ZNF112: variants seen among roughly 807,000 people sequenced by gnomAD.
ZNF112 encodes the protein zinc finger protein 112, also known as zinc finger protein 112 (Y14).
In ZNF112, 37 loss-of-function variants were observed where a neutral mutation model predicts 77.7. That is an observed-to-expected ratio of 0.48 (90% CI 0.37 to 0.63). The LOEUF is 0.63. Ranked by LOEUF, ZNF112 falls within the 20% of genes least tolerant of loss-of-function variation. The pLI is 0.00. For synonymous variants in ZNF112, 333 were observed against 363.6 expected, an observed-to-expected ratio of 0.92 and a Z score of 0.96; for missense variants, 950 against 1,077.4, an observed-to-expected ratio of 0.88 and a Z score of 1.66.
At chr19:44,332,491 C>G (rs1277069000) in intron 3 of ZNF112, among the ~76,000 whole-genome samples, 1 of 152,160 alleles carries the variant, frequency 6.6e-6, no homozygotes, top group East Asian at 1.9e-4. Context: ...TTATAGGAGG[C>G]ATATCAGATA....
chr19:44,352,976 G>A (rs1970719768), intron 1 of ZNF112, among the ~76,000 whole-genome samples: 2 of 151,958 alleles, frequency 1.3e-5, no homozygotes, highest in South Asian at 2.1e-4. Context: ...ATATAAATAA[G>A]CTGATTCTAA....
intron 1 of ZNF112, among the ~76,000 whole-genome samples, chr19:44,364,164 C>T (rs1461293921): frequency 6.6e-6 from 1 of 152,126 alleles, no homozygotes; most frequent in Non-Finnish European, 1.5e-5. Flanking sequence ...CCCACCTCGG[C>T]CTCCCAAAGT....
At chr19:44,335,637 C>G (rs1354568626) in intron 3 of ZNF112, among the ~76,000 whole-genome samples, 1 of 152,100 alleles carries the variant, frequency 6.6e-6, no homozygotes, top group Admixed American at 6.6e-5. Flanking sequence ...GTAAGAAAAA[C>G]AAAGACTGTG....
intron 1 of ZNF112, among the ~76,000 whole-genome samples, chr19:44,364,906 C>T (rs1970888194): frequency 6.6e-6 from 1 of 152,148 alleles, no homozygotes; most frequent in Non-Finnish European, 1.5e-5. Flanking sequence ...TCACCTAGTG[C>T]ATGAAGGATA....
chr19:44,366,525 A>G (rs1970906114), intron 1 of ZNF112, among the ~76,000 whole-genome samples: 1 of 152,188 alleles, frequency 6.6e-6, no homozygotes, highest in African/African-American at 2.4e-5. Context: ...GCTAGGAGCC[A>G]AAGAGTCATT....
rs1462452824 is a variant in ZNF112, at chr19:44,328,898, C to T, written c.1259G>A (p.Cys420Tyr). Residue 420 changes from cysteine to tyrosine, a missense_variant, in exon 4 of 4, where the codon TGT becomes TAT. Cys to Tyr is a radical substitution (Grantham distance 194). Transcript: ENST00000354340. ...ATGCTGAATGTCAAGATTTGAACTA[C>T]AAATGAAACTCTTTCCATACTCTAT... ...TDIEYGKSFI[C>Y]SSNLDIQHRV... The T allele has an allele frequency of 6.2e-7, 1 of 1,613,870 alleles. No homozygotes were observed. Among genetic ancestry groups the T allele is most frequent in the Non-Finnish European group, 8.5e-7 (1 of 1,179,982 alleles).
At chr19:44,343,648 G>A (rs984117) in intron 1 of ZNF112, among the ~76,000 whole-genome samples, 60,180 of 152,044 alleles carry the variant, frequency 0.4, 13,867 homozygotes, top group South Asian at 0.58. Flanking sequence ...AAAACCTGGT[G>A]CTACCATATA....
At position 44,328,774 on chromosome 19, in the gene ZNF112, C is replaced by T. The variant is rs1162714547; in HGVS notation, c.1383G>A (p.Lys461=). The T allele has an allele frequency of 1.2e-6, 2 of 1,613,922 alleles. No individual in the cohort carries two copies. The highest frequency in any genetic ancestry group is 1.3e-5 in the African/African-American group (1 of 74,882). ...ACACATAGCGTTTATATGGTTGTTC[C>T]TTAGTGTGGACTATCTGAAGGTCCT... ...HFQDLQIVHT[K]EQPYKRYVCS... The change falls in exon 4 of 4, where the codon AAG becomes AAA. Residue 461 remains lysine (K), a synonymous_variant. Coordinates refer to ENST00000354340, the MANE Select transcript of ZNF112 (RefSeq NM_013380.4).
intron 3 of ZNF112, among the ~76,000 whole-genome samples, chr19:44,332,262 C>T (rs1471035225): frequency 1.3e-5 from 2 of 152,176 alleles, no homozygotes; most frequent in South Asian, 4.2e-4. Flanking sequence ...CCTATCCCAA[C>T]TTTTAAAAAA....
chr19:44,330,716 A>G (rs1970254745), intron 3 of ZNF112, among the ~76,000 whole-genome samples: 1 of 152,220 alleles, frequency 6.6e-6, no homozygotes, highest in African/African-American at 2.4e-5. Flanking sequence ...AGCCTAGGCA[A>G]CAGAATGAGA....
chr19:44,343,190 A>G, intron 1 of ZNF112: 1 of 1,572,450 alleles, frequency 6.4e-7, no homozygotes. Context: ...AGGGGGAAAA[A>G]GATATGTCCA....
intron 1 of ZNF112, among the ~76,000 whole-genome samples, chr19:44,347,962 C>T (rs1263804921): frequency 1.3e-5 from 2 of 152,036 alleles, no homozygotes; most frequent in Non-Finnish European, 2.9e-5. Flanking sequence ...GACATTTTCA[C>T]TGGATATAGA....
chr19:44,338,807 A>G (rs1484612741), intron 2 of ZNF112, among the ~76,000 whole-genome samples: 1 of 152,238 alleles, frequency 6.6e-6, no homozygotes, highest in Non-Finnish European at 1.5e-5. Flanking sequence ...TCATGCCTGT[A>G]ATCCCAGCAC....
chr19:44,349,149 G>A (rs536885545), intron 1 of ZNF112, among the ~76,000 whole-genome samples: 1 of 152,194 alleles, frequency 6.6e-6, no homozygotes, highest in East Asian at 1.9e-4. Context: ...TTGCATTACA[G>A]CAGCAGTGCT....
At chr19:44,341,797 T>C (rs979766019) in intron 1 of ZNF112, among the ~76,000 whole-genome samples, 1 of 152,228 alleles carries the variant, frequency 6.6e-6, no homozygotes, top group Non-Finnish European at 1.5e-5. Flanking sequence ...TGTAGGGTAA[T>C]TTTAAATTTT....
intron 1 of ZNF112, chr19:44,367,049 A>G (rs1300022419): frequency 4.4e-6 from 2 of 455,524 alleles, no homozygotes; most frequent in African/African-American, 4.0e-5. Flanking sequence ...CGCCAAGACC[A>G]AATGCTGCAA....
At chr19:44,332,247 C>T (rs8107530) in intron 3 of ZNF112, among the ~76,000 whole-genome samples, 2,753 of 152,174 alleles carry the variant, frequency 0.018, 45 homozygotes, top group Non-Finnish European at 0.03. Flanking sequence ...ACCCGTAAGC[C>T]CTACCCTATC....
At chr19:44,333,150 A>G (rs1970300905) in intron 3 of ZNF112, among the ~76,000 whole-genome samples, 1 of 152,248 alleles carries the variant, frequency 6.6e-6, no homozygotes, top group South Asian at 2.1e-4. Flanking sequence ...TGATTCAAGC[A>G]ACCCAAATTG....
At chr19:44,365,314 T>A (rs1429774407) in intron 1 of ZNF112, among the ~76,000 whole-genome samples, 1 of 151,958 alleles carries the variant, frequency 6.6e-6, no homozygotes, top group African/African-American at 2.4e-5. Flanking sequence ...AATTAGCTGC[T>A]CACTGTGGTG....
Sources: allele counts gnomAD v4.1 joint callset (sites outside exome capture counted in the v4.1 genomes callset), GRCh38; gene constraint gnomAD v4.1.1; transcripts MANE v1.5; gene names NCBI Gene and HGNC (gene_info 2026-07-23, HGNC 2026-07-21).